The following MECOM variants were observed in gnomAD, a reference collection of about 807,000 sequenced individuals.
The protein encoded by MECOM is histone-lysine N-methyltransferase MECOM.
Under a neutral mutation model 116.3 loss-of-function variants are expected in MECOM, and 13 were observed. The observed-to-expected ratio is 0.11, with a 90% CI of 0.07 to 0.18. The LOEUF (loss-of-function observed/expected upper bound fraction) is 0.18, where lower values mean the gene tolerates loss of function less well. Ranked by LOEUF, MECOM falls within the 10% of genes least tolerant of loss-of-function variation. The pLI is 1.00. For synonymous variants in MECOM, 528 were observed against 535.2 expected (o/e 0.99, Z 0.19); for missense variants, 1,299 against 1,509.0 (o/e 0.86, Z 2.31).
At chr3:169,325,201 G>A (rs865842119) in intron 2 of MECOM, among the ~76,000 whole-genome samples, 19 of 152,124 alleles carry the variant, frequency 1.2e-4, no homozygotes, top group Admixed American at 6.6e-5. Flanking sequence ...CTACGGGTCC[G>A]CTTGTTTTTG....
At chr3:169,226,190 G>C (rs1317242151) in intron 2 of MECOM, among the ~76,000 whole-genome samples, 2 of 152,088 alleles carry the variant, frequency 1.3e-5, no homozygotes, top group Non-Finnish European at 2.9e-5. Context: ...CTGGTGCAAA[G>C]AGGTAAAATA....
At chr3:169,556,565 C>T (rs374503348) in intron 1 of MECOM, among the ~76,000 whole-genome samples, 1 of 152,184 alleles carries the variant, frequency 6.6e-6, no homozygotes, top group Non-Finnish European at 1.5e-5. Context: ...CCCACCCCTG[C>T]GTCATCCCCT....
chr3:169,121,756 C>T (rs777697069), intron 6 of MECOM, among the ~76,000 whole-genome samples: 1 of 152,016 alleles, frequency 6.6e-6, no homozygotes, highest in Non-Finnish European at 1.5e-5. Flanking sequence ...GAGAGCAAAA[C>T]ATCCCTAAAG....
chr3:169,620,415 GC>G (rs1560502001), intron 1 of MECOM, among the ~76,000 whole-genome samples: 1 of 152,158 alleles, frequency 6.6e-6, no homozygotes, highest in African/African-American at 2.4e-5. Context: ...AAAATTCTTT[GC>G]CAAATGTTCA....
At chr3:169,364,263 T>C (rs1728794887) in intron 2 of MECOM, among the ~76,000 whole-genome samples, 1 of 151,992 alleles carries the variant, frequency 6.6e-6, no homozygotes, top group Non-Finnish European at 1.5e-5. Flanking sequence ...GTTTTGTTAA[T>C]AGTTAAGAAA....
intron 2 of MECOM, among the ~76,000 whole-genome samples, chr3:169,335,469 G>A (rs1455685940): frequency 6.6e-6 from 1 of 152,164 alleles, no homozygotes; most frequent in Non-Finnish European, 1.5e-5. Flanking sequence ...ATTGAGGTGA[G>A]CTCAGCGTGC....
rs367971524 is a variant in MECOM, at chr3:169,140,007, C to T, written c.510+3691G>A. 2.6e-5 allele frequency among the ~76,000 whole-genome samples: 4 copies of T among 151,036 alleles called. No individual in the cohort carries two copies. In the South Asian group the frequency reaches 8.4e-4, roughly 32 times the overall value. On this transcript the variant is annotated intron_variant, in intron 3 of 16. Coordinates refer to ENST00000651503, the MANE Select transcript of MECOM (RefSeq NM_004991.4). Reference sequence around the variant, plus strand: ...TCATGTAGATGTTTGGTTTACTTCACATTAAACACATAGGTGCTTCTGTAT... The same window carrying T: ...TCATGTAGATGTTTGGTTTACTTCATATTAAACACATAGGTGCTTCTGTAT...
At chr3:169,222,839 A>G (rs1752285374) in intron 2 of MECOM, among the ~76,000 whole-genome samples, 1 of 152,250 alleles carries the variant, frequency 6.6e-6, no homozygotes, top group Admixed American at 6.5e-5. Context: ...TTCTAGATCA[A>G]ATTATCATTT....
intron 1 of MECOM, among the ~76,000 whole-genome samples, chr3:169,590,891 C>T (rs77039505): frequency 0.014 from 2,091 of 152,284 alleles, 52 homozygotes; most frequent in African/African-American, 0.048. Flanking sequence ...AAATAGAAAG[C>T]GTCCCTACCA....
chr3:169,614,674 A>C (rs557711069), intron 1 of MECOM, among the ~76,000 whole-genome samples: 2 of 152,208 alleles, frequency 1.3e-5, no homozygotes, highest in Admixed American at 1.3e-4. Flanking sequence ...CAAATCTACC[A>C]GGTAATAAGC....
chr3:169,443,144 C>T (rs1482075588), intron 1 of MECOM, among the ~76,000 whole-genome samples: 2 of 152,158 alleles, frequency 1.3e-5, no homozygotes, highest in Non-Finnish European at 2.9e-5. Flanking sequence ...TTCCAATCTG[C>T]TTTGAAATTT....
Position 169,404,246 on chromosome 3 carries a change from T to C in MECOM, c.38-22722A>G, listed in dbSNP as rs575558029. On this transcript the variant is annotated intron_variant, in intron 1 of 16. Transcript: ENST00000651503. ...AAAGTTGCTAAGGATATAAGAAATA[T>C]ATAAACTGGAGTTTTTATTGGTTGT... Among the ~76,000 whole-genome samples, 8 of 152,110 alleles carry C rather than the reference T, an allele frequency of 5.3e-5. No individual in the cohort carries two copies. The East Asian group carries it at 7.7e-4, about 15-fold the overall frequency.
In MECOM at chr3:169,577,330, T is replaced by G. The variant is rs552635293; in HGVS notation, c.37+86006A>C. On this transcript the variant is annotated intron_variant, in intron 1 of 16. Transcript: ENST00000651503. ...TTTGAGTAAAAGACATTGTTGCTGA[T>G]GCTTATCAGTAAACCCTGTGCTGCA... is the stretch of plus-strand genomic sequence containing the variant. Among the ~76,000 whole-genome samples, 3 of 152,326 alleles carry G rather than the reference T, an allele frequency of 2.0e-5. No individual in the cohort carries two copies. The East Asian group carries it at 5.8e-4, about 29-fold the overall frequency.
At chr3:169,230,195 C>T (rs1753202289) in intron 2 of MECOM, among the ~76,000 whole-genome samples, 1 of 151,996 alleles carries the variant, frequency 6.6e-6, no homozygotes, top group Non-Finnish European at 1.5e-5. Context: ...ACTTTGAGAC[C>T]TCTGTCTACC....
At chr3:169,441,851 C>G (rs1743774699) in intron 1 of MECOM, among the ~76,000 whole-genome samples, 1 of 151,790 alleles carries the variant, frequency 6.6e-6, no homozygotes, top group East Asian at 1.9e-4. Context: ...CTGCCCCAGC[C>G]TCCTGAGTAG....
chr3:169,136,423 T>G (rs1577111419), intron 3 of MECOM, among the ~76,000 whole-genome samples: 1 of 151,192 alleles, frequency 6.6e-6, no homozygotes, highest in Non-Finnish European at 1.5e-5. Context: ...AATTATATAT[T>G]ATGTTTTATA....
In MECOM at chr3:169,400,303, A is replaced by G. The variant is rs114645241; in HGVS notation, c.38-18779T>C. On this transcript the variant is annotated intron_variant, in intron 1 of 16. Transcript: ENST00000651503. ...CAAAAGAATAGATCAAAATCATGCC[A>G]ACACTTTCATGGATGGATATATGCT... Among the ~76,000 whole-genome samples, 1,396 of 152,316 alleles carry G rather than the reference A, an allele frequency of 9.2e-3. 8 individuals carry two copies. The highest frequency in any genetic ancestry group is 0.02 in the Middle Eastern group (6 of 294).
chr3:169,097,503 T>G (rs1437507157), intron 12 of MECOM, among the ~76,000 whole-genome samples: 1 of 152,134 alleles, frequency 6.6e-6, no homozygotes, highest in African/African-American at 2.4e-5. Flanking sequence ...GACGAGCCTT[T>G]GAGATCATGA....
In MECOM at chr3:169,278,763, A is replaced by C. The variant is rs561941145; in HGVS notation, c.375+102424T>G. 2.6e-5 allele frequency among the ~76,000 whole-genome samples: 4 copies of C among 152,348 alleles called. No homozygotes were observed. In the East Asian group the frequency reaches 7.7e-4, roughly 29 times the overall value. On this transcript the variant is annotated intron_variant, in intron 2 of 16. Transcript: ENST00000651503. ...CAGCACAGTCCAAAGGGAGCAATGA[A>C]GGTTCCTGATGCATGACGAACTCAA...
Sources: gnomAD v4.1 joint callset for allele counts (sites outside exome capture counted in the v4.1 genomes callset) on GRCh38, gnomAD v4.1.1 for gene constraint, MANE v1.5 for transcripts, NCBI Gene and HGNC (gene_info 2026-07-23, HGNC 2026-07-21) for gene names.